The following SMAP1 variants were observed in gnomAD, a reference collection of about 807,000 sequenced individuals.
The protein encoded by SMAP1 is stromal membrane-associated protein 1.
Under a neutral mutation model 58.5 loss-of-function variants are expected in SMAP1, and 24 were observed. The ratio of observed to expected loss-of-function variants is 0.41; its 90% confidence interval spans 0.30 to 0.58. The LOEUF is 0.58. Ranked by LOEUF, SMAP1 falls within the 20% of genes least tolerant of loss-of-function variation. The pLI, the probability that SMAP1 is intolerant of heterozygous loss-of-function variation, is 0.29. For synonymous variants in SMAP1, 216 were observed against 196.6 expected, an observed-to-expected ratio of 1.10 and a Z score of -0.82; for missense variants, 563 against 566.3, an observed-to-expected ratio of 0.99 and a Z score of 0.06.
intron 7 of SMAP1, among the ~76,000 whole-genome samples, chr6:70,843,304 GAT>G (rs1770871220): frequency 6.6e-6 from 1 of 152,146 alleles, no homozygotes; most frequent in Non-Finnish European, 1.5e-5. Flanking sequence ...CAGCTCTTAA[GAT>G]GAACCAAAGC....
At chr6:70,683,872 G>A (rs112356952) in intron 1 of SMAP1, among the ~76,000 whole-genome samples, 6 of 152,334 alleles carry the variant, frequency 3.9e-5, no homozygotes, top group African/African-American at 1.4e-4. Context: ...GAGAACATGG[G>A]AGTGAACCCA....
intron 1 of SMAP1, among the ~76,000 whole-genome samples, chr6:70,697,496 C>T (rs1043498333): frequency 2.0e-4 from 30 of 151,968 alleles, no homozygotes; most frequent in African/African-American, 6.8e-4. Context: ...TTAGTAGAGA[C>T]GGGTTTTCAC....
At chr6:70,853,031 T>C (rs1771247486) in intron 8 of SMAP1, among the ~76,000 whole-genome samples, 2 of 152,314 alleles carry the variant, frequency 1.3e-5, no homozygotes, top group South Asian at 4.1e-4. Context: ...AAACCCTGAC[T>C]ACCTCAACTT....
intron 3 of SMAP1, among the ~76,000 whole-genome samples, chr6:70,767,226 G>A (rs1458242036): frequency 6.6e-6 from 1 of 151,690 alleles, no homozygotes; most frequent in Non-Finnish European, 1.5e-5. Context: ...ACTTGGCGAT[G>A]CGGGCTCTTT....
At chr6:70,801,742 G>T (rs1426943927) in intron 6 of SMAP1, among the ~76,000 whole-genome samples, 1 of 152,170 alleles carries the variant, frequency 6.6e-6, no homozygotes, top group Non-Finnish European at 1.5e-5. Flanking sequence ...TGGCTAGCCA[G>T]TTTTCCCAGC....
chr6:70,768,178 C>G (rs530061033), intron 3 of SMAP1, among the ~76,000 whole-genome samples: 9 of 152,264 alleles, frequency 5.9e-5, no homozygotes, highest in Admixed American at 2.0e-4. Flanking sequence ...ATTTTTGCAT[C>G]AATGTTCATC....
At chr6:70,732,235 C>T (rs1022197258) in intron 1 of SMAP1, 143 bp from the exon 2 acceptor site, 33 of 759,954 alleles carry the variant, frequency 4.3e-5, no homozygotes, top group Non-Finnish European at 6.5e-5. Context: ...AGACTGCCGC[C>T]AGTACCATTT....
At chr6:70,837,769 C>A in intron 7 of SMAP1, 2 of 1,151,600 alleles carry the variant, frequency 1.7e-6, no homozygotes, top group Non-Finnish European at 2.2e-6. Context: ...TTAAATTTTT[C>A]TTTTTTTTTA....
intron 3 of SMAP1, among the ~76,000 whole-genome samples, chr6:70,760,993 C>T (rs963806929): frequency 6.6e-6 from 1 of 151,928 alleles, no homozygotes; most frequent in Admixed American, 6.6e-5. Flanking sequence ...TCCATGAGAT[C>T]TATTGTGTAC....
chr6:70,705,323 G>T (rs1299636630), intron 1 of SMAP1, among the ~76,000 whole-genome samples: 1 of 151,160 alleles, frequency 6.6e-6, no homozygotes, highest in East Asian at 1.9e-4. Flanking sequence ...GTGATCTTGG[G>T]TCTCTGCAGC....
At chr6:70,701,182 G>A (rs1767612874) in intron 1 of SMAP1, among the ~76,000 whole-genome samples, 1 of 152,126 alleles carries the variant, frequency 6.6e-6, no homozygotes, top group Admixed American at 6.6e-5. Flanking sequence ...CTAGGCTCAA[G>A]CAATCCTTCT....
At chr6:70,847,845 A>G (rs1180860307) in intron 7 of SMAP1, among the ~76,000 whole-genome samples, 10 of 152,166 alleles carry the variant, frequency 6.6e-5, no homozygotes, top group Non-Finnish European at 1.5e-4. Flanking sequence ...CCCTAATCTC[A>G]TAGAAGGCAC....
intron 6 of SMAP1, among the ~76,000 whole-genome samples, chr6:70,832,693 CTGG>C (rs1452060227): frequency 2.0e-5 from 3 of 152,172 alleles, no homozygotes; most frequent in Non-Finnish European, 4.4e-5. Flanking sequence ...TGGTTGGAAG[CTGG>C]AAGGGCAAGA....
chr6:70,716,812 A>AAT (rs1435845035), intron 1 of SMAP1, among the ~76,000 whole-genome samples: 3 of 152,080 alleles, frequency 2.0e-5, no homozygotes, highest in African/African-American at 7.2e-5. Context: ...ACCATTTTTT[A>AAT]AAATTCCTTG....
chr6:70,798,069 G>C (rs1217224068), intron 5 of SMAP1, among the ~76,000 whole-genome samples: 1 of 151,878 alleles, frequency 6.6e-6, no homozygotes, highest in Non-Finnish European at 1.5e-5. Context: ...TAGTCAGTTG[G>C]CTGTGGTCCC....
At chr6:70,695,893 G>A (rs1218527583) in intron 1 of SMAP1, among the ~76,000 whole-genome samples, 1 of 152,132 alleles carries the variant, frequency 6.6e-6, no homozygotes, top group East Asian at 1.9e-4. Flanking sequence ...CAGCAGTGAA[G>A]CCATTGGGTC....
intron 3 of SMAP1, chr6:70,772,847 A>G (rs1767387691): frequency 6.5e-6 from 1 of 152,692 alleles, no homozygotes; most frequent in African/African-American, 2.4e-5. Context: ...TGGAATCACA[A>G]GTGCTTAATC....
At chr6:70,668,515 G>T (rs956551439) in intron 1 of SMAP1, 39 of 1,501,406 alleles carry the variant, frequency 2.6e-5, no homozygotes, top group Non-Finnish European at 3.1e-5. Context: ...TGCCCTCCTA[G>T]CTCTGCTCAT....
intron 6 of SMAP1, among the ~76,000 whole-genome samples, chr6:70,825,580 T>C (rs1423979150): frequency 6.6e-6 from 1 of 152,192 alleles, no homozygotes; most frequent in Non-Finnish European, 1.5e-5. Flanking sequence ...GAGAGGTGAC[T>C]GGGCATTTGT....
Sources: gnomAD v4.1 joint callset for allele counts (sites outside exome capture counted in the v4.1 genomes callset) on GRCh38, gnomAD v4.1.1 for gene constraint, MANE v1.5 for transcripts, NCBI Gene and HGNC (gene_info 2026-07-23, HGNC 2026-07-21) for gene names.